Variants in LSM2 observed in about 807,000 individuals in gnomAD.
LSM2 encodes the protein U6 snRNA-associated Sm-like protein LSm2.
LSM2 carries 12 observed loss-of-function variants against 17.0 expected under a neutral mutation model. The observed-to-expected ratio is 0.70, with a 90% CI of 0.45 to 1.14. The LOEUF is 1.14. LSM2 is among the 50% of genes most tolerant of loss of function. LSM2 has a pLI of 0.00. For synonymous variants in LSM2, 42 were observed against 44.5 expected, an observed-to-expected ratio of 0.94 and a Z score of 0.22; for missense variants, 62 against 111.8, an observed-to-expected ratio of 0.55 and a Z score of 2.01.
chr6:31,801,733 T>C (rs1189616237), intron 2 of LSM2, among the ~76,000 whole-genome samples: 2 of 151,976 alleles, frequency 1.3e-5, no homozygotes, highest in Non-Finnish European at 2.9e-5. Context: ...GAGGCAGAGG[T>C]TGCAGTGAGC....
intron 2 of LSM2, among the ~76,000 whole-genome samples, chr6:31,800,679 A>C (rs988386526): frequency 2.0e-5 from 3 of 152,090 alleles, no homozygotes; most frequent in Admixed American, 6.6e-5. Flanking sequence ...CGAGGTCAGG[A>C]GATCGAGACC....
At chr6:31,799,800 T>C (rs1388993305) in intron 2 of LSM2, among the ~76,000 whole-genome samples, 3 of 152,168 alleles carry the variant, frequency 2.0e-5, no homozygotes, top group African/African-American at 4.8e-5. Context: ...GCATGAGTGA[T>C]GTCCTCTCCA....
intron 1 of LSM2, 88 bp from the exon 2 acceptor site, chr6:31,806,230 T>G: frequency 8.4e-7 from 1 of 1,193,550 alleles, no homozygotes; most frequent in Non-Finnish European, 1.2e-6. Context: ...ATACTGGTAT[T>G]GTGAACCCCA....
At chr6:31,801,837 G>T in intron 2 of LSM2, among the ~76,000 whole-genome samples, 1 of 151,464 alleles carries the variant, frequency 6.6e-6, no homozygotes, top group East Asian at 2.0e-4. Context: ...CATCCCAACA[G>T]AAAAGTCACT....
At position 31,797,624 on chromosome 6, in the gene LSM2, TA is replaced by T; in HGVS notation, c.*132del. 36 of 1,356,526 alleles carry T rather than the reference TA, an allele frequency of 2.7e-5. No homozygotes were observed. Among genetic ancestry groups the T allele is most frequent in the Non-Finnish European group, 3.0e-5 (30 of 985,650 alleles). 84.0% of individuals were successfully genotyped at this position (1,356,526 alleles called of 1,614,324 possible). A position where few individuals can be genotyped will look rare whatever the true frequency, so the allele number is the denominator to read the frequency against. ...TTACTCCTCTCATCCACTCATCCCTTAAAAAAAACCCACAAAACCATCATTA... is the reference window on the plus strand; with the variant it reads ...TTACTCCTCTCATCCACTCATCCCTTAAAAAAACCCACAAAACCATCATTA... On this transcript the variant is annotated 3_prime_UTR_variant, in exon 5 of 5. Transcript: ENST00000375661.
intron 2 of LSM2, among the ~76,000 whole-genome samples, chr6:31,799,654 CTT>C (rs34573382): frequency 2.6e-4 from 35 of 136,404 alleles, no homozygotes; most frequent in African/African-American, 3.6e-4. Flanking sequence ...CCATTCCCGA[CTT>C]TTTTTTTTTT....
At position 31,806,068 on chromosome 6, in the gene LSM2, T is replaced by C. The variant is rs771598945; in HGVS notation, c.71+7A>G. ...CCCCCAACAGACTTGTTGGAACAGGTACCTACCTCAGGTCATTCTTTAGTT... is the reference window on the plus strand; with the variant it reads ...CCCCCAACAGACTTGTTGGAACAGGCACCTACCTCAGGTCATTCTTTAGTT... On this transcript the variant is annotated splice_region_variant and intron_variant, in intron 2 of 4. Coordinates refer to ENST00000375661, the MANE Select transcript of LSM2 (RefSeq NM_021177.5). 6.2e-6 allele frequency: 10 copies of C among 1,612,548 alleles called. No homozygotes were observed. The East Asian group carries it at 2.2e-4, about 36-fold the overall frequency.
chr6:31,798,030 G>C lies in LSM2; in HGVS notation c.122C>G (p.Thr41Ser), dbSNP rs1209480499. 2.5e-6 allele frequency: 4 copies of C among 1,602,292 alleles called. 1 individual carries two copies. In the South Asian group the frequency reaches 3.3e-5, roughly 13 times the overall value. Residue 41 changes from threonine (T) to serine (S), a missense_variant, in exon 4 of 5, where the codon ACT (threonine) becomes AGT (serine). Transcript: ENST00000375661. ...CTCAGGGTCTGTGACACTGATGTCA[G>C]TTAGTTTGATGTTGAGATACTAGGA... ...SVDQYLNIKLTDISVTDPEKY... is the reference protein window; with the variant it reads ...SVDQYLNIKLSDISVTDPEKY...
At position 31,806,772 on chromosome 6, in the gene LSM2, G is replaced by T; in HGVS notation, c.-15C>A. 6.2e-7 allele frequency: 1 copy of T among 1,609,506 alleles called. No individual in the cohort carries two copies. ...GTACCCACCATGGTGCTGGCGCCGC[G>T]GGCAGCGGGCCGGACCGGGAAGACA... On this transcript the variant is annotated 5_prime_UTR_variant, in exon 1 of 5. Transcript: ENST00000375661.
At chr6:31,798,653 C>T in intron 2 of LSM2, 146 bp from the exon 3 acceptor site, 1 of 795,372 alleles carries the variant, frequency 1.3e-6, no homozygotes, top group South Asian at 1.7e-5. Flanking sequence ...GGGGGCATTC[C>T]TAAGCCCTGG....
Position 31,797,759 on chromosome 6 carries a change from A to G in LSM2, c.286T>C (p.Ter96ArgextTer13), listed in dbSNP as rs747177399. The G allele has an allele frequency of 6.2e-7, 1 of 1,612,626 alleles. No homozygotes were observed. Among genetic ancestry groups the G allele is most frequent in the African/African-American group, 1.3e-5 (1 of 74,888 alleles). Residue 96 changes from the stop codon to arginine, a stop_lost, in exon 5 of 5, where the codon TGA (stop) becomes CGA (arginine). Coordinates refer to ENST00000375661, the MANE Select transcript of LSM2 (RefSeq NM_021177.5). The part of the protein sequence containing the change: ...ARKEALQQKQ[*>R] ...GAGGGGAAGAGGAGGAGGAGCCATC[A>G]CTGTTTCTGCTGCAGGGCTTCCTTC... is the stretch of plus-strand genomic sequence containing the variant.
intron 1 of LSM2, chr6:31,806,425 CCTGCCCA>C: frequency 1.7e-6 from 1 of 599,962 alleles, no homozygotes; most frequent in South Asian, 2.0e-5. Context: ...TTCTCGGGTA[CCTGCCCA>C]CTCCTTTCAA....
In LSM2 at chr6:31,797,789, C is replaced by A. The variant is rs1814462847; in HGVS notation, c.256G>T (p.Ala86Ser). 1 of 1,612,908 alleles carries A rather than the reference C, an allele frequency of 6.2e-7. No individual in the cohort carries two copies. The highest frequency in any genetic ancestry group is 2.2e-5 in the East Asian group (1 of 44,900). Residue 86 changes from alanine to serine, a missense_variant, in exon 5 of 5, where the codon GCA becomes TCA. Transcript: ENST00000375661. ...TTCTGCTGCAGGGCTTCCTTCCTTG[C>A]CGCATCCTGTAGCAACTGTGTGTCG... ...EVDTQLLQDA[A>S]RKEALQQKQ
chr6:31,800,654 G>A (rs866662842), intron 2 of LSM2, among the ~76,000 whole-genome samples: 1 of 152,114 alleles, frequency 6.6e-6, no homozygotes, highest in Non-Finnish European at 1.5e-5. Context: ...TTGGGAGGCC[G>A]AGGCGGGTGG....
chr6:31,806,150 G>A lies in LSM2; in HGVS notation c.4-8C>T. 6.2e-7 allele frequency: 1 copy of A among 1,612,578 alleles called. No individual in the cohort carries two copies. Among genetic ancestry groups the A allele is most frequent in the South Asian group, 1.1e-5 (1 of 91,040 alleles). ...GAAAAAAGAATAGAAGAGCTATTGG[G>A]AGAGAGGGGGAAAACCATCATGTGG... On this transcript the variant is annotated splice_region_variant and splice_polypyrimidine_tract_variant and intron_variant, in intron 1 of 4. Transcript: ENST00000375661.
intron 2 of LSM2, among the ~76,000 whole-genome samples, chr6:31,804,559 C>T (rs901748705): frequency 5.3e-5 from 8 of 151,942 alleles, no homozygotes; most frequent in Admixed American, 2.6e-4. Flanking sequence ...TTAGTCAATA[C>T]GTCTTCGGAT....
At chr6:31,798,070 CCATT>C (rs1814485260) in intron 3 of LSM2, 21 bp from the exon 4 acceptor site, 6 of 1,537,360 alleles carry the variant, frequency 3.9e-6, no homozygotes, top group African/African-American at 1.4e-5. Context: ...AAGATGAACA[CCATT>C]ATTATTATTA....
chr6:31,805,345 C>A (rs1814966520), intron 2 of LSM2, among the ~76,000 whole-genome samples: 1 of 150,132 alleles, frequency 6.7e-6, no homozygotes, highest in South Asian at 2.1e-4. Context: ...CAGGTGTGAG[C>A]CACCATGGCC....
chr6:31,800,107 C>T (rs1475173954), intron 2 of LSM2, among the ~76,000 whole-genome samples: 3 of 152,000 alleles, frequency 2.0e-5, no homozygotes, highest in African/African-American at 4.8e-5. Context: ...GAGGACGAGG[C>T]GGGCGAATCA....
Sources: gnomAD v4.1 joint callset for allele counts (sites outside exome capture counted in the v4.1 genomes callset) on GRCh38, gnomAD v4.1.1 for gene constraint, MANE v1.5 for transcripts, NCBI Gene and HGNC (gene_info 2026-07-23, HGNC 2026-07-21) for gene names.